Variants in TOX observed in about 807,000 individuals in gnomAD.
The protein encoded by TOX is thymocyte selection associated high mobility group box, also known as thymocyte selection-associated high mobility group box protein TOX.
Under a neutral mutation model 53.7 loss-of-function variants are expected in TOX, and 11 were observed. That is an observed-to-expected ratio of 0.20 (90% CI 0.13 to 0.34). The LOEUF is 0.34. TOX is among the 10% of genes least tolerant of loss of function. The pLI, the probability that TOX is intolerant of heterozygous loss-of-function variation, is 1.00. For missense variants in TOX, 570 were observed against 664.6 expected (o/e 0.86, Z 1.56); for synonymous variants, 225 against 245.3 (o/e 0.92, Z 0.77).
intron 4 of TOX, among the ~76,000 whole-genome samples, chr8:58,848,985 T>C (rs1245598851): frequency 6.6e-6 from 1 of 152,152 alleles, no homozygotes; most frequent in African/African-American, 2.4e-5. Flanking sequence ...TTTGACTTAA[T>C]GCTATTTCAC....
chr8:58,998,577 A>ATAATAAATTTATATG lies in TOX; in HGVS notation c.103-38584_103-38570dup, dbSNP rs1585952985. The stretch of plus-strand genomic sequence containing the variant: ...ATAAATTTATGTAATAAATGTATAT[A>ATAATAAATTTATATG]TAATAAATTTATATGTAATAAATTT... On this transcript the variant is annotated intron_variant, in intron 1 of 8. Transcript: ENST00000361421. 5.7e-5 allele frequency among the ~76,000 whole-genome samples: 4 copies of ATAATAAATTTATATG among 70,372 alleles called. No individual in the cohort carries two copies. In the East Asian group the frequency reaches 1.3e-3, roughly 23 times the overall value. The allele number at this position is 70,372 out of a possible 152,430, so 46.2% of individuals were successfully genotyped here.
At chr8:58,962,189 G>C (rs558613665) in intron 1 of TOX, among the ~76,000 whole-genome samples, 2 of 152,268 alleles carry the variant, frequency 1.3e-5, no homozygotes, top group East Asian at 3.9e-4. Context: ...TACGCTAATT[G>C]AGTACATTCA....
intron 2 of TOX, among the ~76,000 whole-genome samples, chr8:58,956,308 G>A (rs1812706422): frequency 6.6e-6 from 1 of 152,158 alleles, no homozygotes; most frequent in Non-Finnish European, 1.5e-5. Context: ...GAACCCCATA[G>A]CATGCGTATC....
chr8:58,874,207 G>GC (rs1380182349), intron 3 of TOX, among the ~76,000 whole-genome samples: 1 of 151,280 alleles, frequency 6.6e-6, no homozygotes, highest in East Asian at 1.9e-4. Flanking sequence ...TACTCTCTCT[G>GC]CCCCCTGCCC....
At position 59,105,282 on chromosome 8, in the gene TOX, A is replaced by G. The variant is rs552889363; in HGVS notation, c.102+13604T>C. On this transcript the variant is annotated intron_variant, in intron 1 of 8. Coordinates refer to ENST00000361421, the MANE Select transcript of TOX (RefSeq NM_014729.3). ...AAATAGGAACTACTTTAATACTTTT[A>G]CTGAAATGTTCTCTGCTTGATAAAG... is the stretch of plus-strand genomic sequence containing the variant. 5.9e-5 allele frequency among the ~76,000 whole-genome samples: 9 copies of G among 152,334 alleles called. No homozygotes were observed. In the East Asian group the frequency reaches 1.7e-3, roughly 29 times the overall value.
intron 1 of TOX, among the ~76,000 whole-genome samples, chr8:59,076,057 G>A (rs1035293899): frequency 6.6e-6 from 1 of 151,070 alleles, no homozygotes; most frequent in Non-Finnish European, 1.5e-5. Context: ...AGGGAAGGGA[G>A]AGCTCAGGAA....
chr8:58,908,127 G>A (rs759132115), intron 3 of TOX, among the ~76,000 whole-genome samples: 6 of 152,026 alleles, frequency 3.9e-5, no homozygotes, highest in Admixed American at 2.0e-4. Flanking sequence ...CCCAGTGTGT[G>A]TTTTTCCCCT....
intron 1 of TOX, among the ~76,000 whole-genome samples, chr8:59,008,294 G>C (rs576967902): frequency 1.7e-4 from 26 of 152,340 alleles, no homozygotes; most frequent in African/African-American, 6.0e-4. Context: ...AAAATATCTT[G>C]AAGAAATTGT....
At chr8:58,868,892 A>G (rs1051638016) in intron 3 of TOX, among the ~76,000 whole-genome samples, 1 of 152,034 alleles carries the variant, frequency 6.6e-6, no homozygotes, top group South Asian at 2.1e-4. Flanking sequence ...ACCAAGCCAA[A>G]AGCTGGTTCT....
At chr8:59,056,966 G>T (rs1290508428) in intron 1 of TOX, among the ~76,000 whole-genome samples, 1 of 152,166 alleles carries the variant, frequency 6.6e-6, no homozygotes, top group Non-Finnish European at 1.5e-5. Context: ...ACTAATGTAA[G>T]AATCTAAATT....
chr8:58,924,692 C>G (rs2129175071), intron 3 of TOX, among the ~76,000 whole-genome samples: 1 of 152,316 alleles, frequency 6.6e-6, no homozygotes, highest in South Asian at 2.1e-4. Context: ...TGAGGAAACT[C>G]TTGTGATCCA....
At chr8:58,874,188 C>G (rs1442271868) in intron 3 of TOX, among the ~76,000 whole-genome samples, 1 of 151,516 alleles carries the variant, frequency 6.6e-6, no homozygotes, top group Non-Finnish European at 1.5e-5. Context: ...ACAGGCCCAT[C>G]CATATTTTTA....
At chr8:58,997,901 T>A (rs1222975597) in intron 1 of TOX, among the ~76,000 whole-genome samples, 2 of 152,126 alleles carry the variant, frequency 1.3e-5, no homozygotes, top group Non-Finnish European at 2.9e-5. Flanking sequence ...CACGCCATTC[T>A]CCTGCCTCAG....
intron 1 of TOX, among the ~76,000 whole-genome samples, chr8:58,961,944 G>A (rs1242628527): frequency 1.3e-5 from 2 of 152,200 alleles, no homozygotes; most frequent in African/African-American, 4.8e-5. Flanking sequence ...ACACTGGTTT[G>A]TTTGCAAATG....
At chr8:59,023,859 A>G (rs1814185483) in intron 1 of TOX, among the ~76,000 whole-genome samples, 3 of 152,200 alleles carry the variant, frequency 2.0e-5, no homozygotes, top group African/African-American at 7.2e-5. Context: ...TGAGCTTGAA[A>G]AAGGAAATAA....
intron 2 of TOX, among the ~76,000 whole-genome samples, chr8:58,953,506 A>G (rs899604379): frequency 1.3e-5 from 2 of 152,188 alleles, no homozygotes; most frequent in African/African-American, 4.8e-5. Flanking sequence ...CTATTTTTCC[A>G]GGCATCCTTT....
intron 1 of TOX, among the ~76,000 whole-genome samples, chr8:59,052,610 T>A (rs1233252771): frequency 6.6e-6 from 1 of 152,208 alleles, no homozygotes; most frequent in Non-Finnish European, 1.5e-5. Context: ...TTGAACTGAA[T>A]TTCCATATAT....
Position 59,117,979 on chromosome 8 carries a change from A to G in TOX, c.102+907T>C, listed in dbSNP as rs1313717359. On this transcript the variant is annotated intron_variant, in intron 1 of 8. Transcript: ENST00000361421. This position sits in a 1 kb window ranked among gnomAD's most constrained non-coding sequence, Gnocchi z 4.6. ...GGATGAGAGAGTTCGAGAAGCCGGGAGAGTAACCCCCTCCCTCGTACCCCC... is the reference window on the plus strand; with the variant it reads ...GGATGAGAGAGTTCGAGAAGCCGGGGGAGTAACCCCCTCCCTCGTACCCCC... Among the ~76,000 whole-genome samples the G allele has an allele frequency of 6.6e-6, 1 of 152,096 alleles. No homozygotes were observed. The highest frequency in any genetic ancestry group is 1.5e-5 in the Non-Finnish European group (1 of 68,000).
chr8:59,023,534 T>C (rs1424173516), intron 1 of TOX, among the ~76,000 whole-genome samples: 1 of 152,182 alleles, frequency 6.6e-6, no homozygotes, highest in Non-Finnish European at 1.5e-5. Context: ...CTATGGCTCT[T>C]TCCACTACAT....
Sources: gnomAD v4.1 joint callset for allele counts (sites outside exome capture counted in the v4.1 genomes callset) on GRCh38, gnomAD v4.1.1 for gene constraint, Gnocchi (gnomAD v3.1) non-coding constraint, MANE v1.5 for transcripts, NCBI Gene and HGNC (gene_info 2026-07-23, HGNC 2026-07-21) for gene names.